The following UNC13C variants were observed in gnomAD, a reference collection of about 807,000 sequenced individuals.
UNC13C encodes unc-13 homolog C.
A neutral mutation model predicts 245.4 loss-of-function variants in UNC13C; 174 were observed. The observed-to-expected ratio is 0.71, with a 90% CI of 0.63 to 0.80. The LOEUF (loss-of-function observed/expected upper bound fraction) is 0.80. Ranked by LOEUF, UNC13C falls within the 30% of genes least tolerant of loss-of-function variation. The pLI is 0.00. For missense variants in UNC13C, 2,829 were observed against 2,602.9 expected (o/e 1.09, Z -1.89); for synonymous variants, 992 against 895.1 (o/e 1.11, Z -1.93).
At chr15:54,488,255 A>C (rs1893527129) in intron 19 of UNC13C, among the ~76,000 whole-genome samples, 1 of 152,286 alleles carries the variant, frequency 6.6e-6, no homozygotes, top group East Asian at 1.9e-4. Flanking sequence ...CCTGGTGATA[A>C]AATTTTGTGT....
At chr15:54,031,245 G>T (rs796991298) in intron 2 of UNC13C, among the ~76,000 whole-genome samples, 29 of 152,254 alleles carry the variant, frequency 1.9e-4, no homozygotes, top group African/African-American at 6.0e-4. Context: ...AAATTCAGAA[G>T]GGTGCCGTTT....
rs1302222223 is a variant in UNC13C, at chr15:54,627,582, A to AATT, written c.*470_*472dup. ...GCAGTCACTTCTAGAAAGCATTTGT[A>AATT]ATTTTATAGTCGCAGATATTGTGAT... On this transcript the variant is annotated 3_prime_UTR_variant, in exon 33 of 33. Coordinates refer to ENST00000260323, the MANE Select transcript of UNC13C (RefSeq NM_001080534.3). 6.5e-6 allele frequency: 1 copy of AATT among 153,100 alleles called. No individual in the cohort carries two copies. The highest frequency in any genetic ancestry group is 6.5e-5 in the Admixed American group (1 of 15,344). 9.5% of individuals were successfully genotyped at this position (153,100 alleles called of 1,614,324 possible).
intron 10 of UNC13C, among the ~76,000 whole-genome samples, chr15:54,279,649 T>C (rs912151714): frequency 6.6e-6 from 1 of 152,194 alleles, no homozygotes; most frequent in East Asian, 1.9e-4. Context: ...GCCAGGTGTC[T>C]ACAGAAATGA....
At chr15:53,862,030 A>G in the UNC13C span, among the ~76,000 whole-genome samples, 1 of 152,120 alleles carries the variant, frequency 6.6e-6, no homozygotes, top group Non-Finnish European at 1.5e-5. Context: ...GGCTGCTATA[A>G]CAAAATACCA....
intron 30 of UNC13C, among the ~76,000 whole-genome samples, chr15:54,618,731 T>C (rs1305958625): frequency 6.6e-6 from 1 of 152,160 alleles, no homozygotes; most frequent in Non-Finnish European, 1.5e-5. Flanking sequence ...TGTGACTGAA[T>C]TAAGCAGCTT....
chr15:54,501,868 G>T (rs1031308045), intron 22 of UNC13C, among the ~76,000 whole-genome samples: 1 of 152,166 alleles, frequency 6.6e-6, no homozygotes, highest in Non-Finnish European at 1.5e-5. Flanking sequence ...CATGGGAAGG[G>T]CAGGGAGAAA....
At chr15:54,258,588 C>T (rs916446845) in intron 8 of UNC13C, among the ~76,000 whole-genome samples, 7 of 151,974 alleles carry the variant, frequency 4.6e-5, no homozygotes, top group Non-Finnish European at 8.8e-5. Flanking sequence ...AGGCTGGTTA[C>T]GAACTCCTGA....
the UNC13C span, among the ~76,000 whole-genome samples, chr15:53,943,130 A>T: frequency 1.3e-5 from 2 of 152,222 alleles, no homozygotes; most frequent in Admixed American, 1.3e-4. Context: ...TCCATTCTCC[A>T]TTCCAACCTC....
the UNC13C span, among the ~76,000 whole-genome samples, chr15:53,871,393 C>T: frequency 1.3e-5 from 2 of 152,188 alleles, no homozygotes; most frequent in Non-Finnish European, 2.9e-5. Flanking sequence ...CAGCTTACAT[C>T]TTGATTCTGG....
At chr15:53,968,958 T>C in the UNC13C span, among the ~76,000 whole-genome samples, 1 of 152,180 alleles carries the variant, frequency 6.6e-6, no homozygotes, top group Non-Finnish European at 1.5e-5. Context: ...CCACAATCCC[T>C]ATCTTTTTGA....
chr15:54,293,507 C>T (rs1185090843), intron 10 of UNC13C, among the ~76,000 whole-genome samples: 1 of 151,852 alleles, frequency 6.6e-6, no homozygotes, highest in African/African-American at 2.4e-5. Flanking sequence ...TTCTCAACAC[C>T]CATTGCAATA....
chr15:53,943,712 T>G, the UNC13C span, among the ~76,000 whole-genome samples: 1 of 152,146 alleles, frequency 6.6e-6, no homozygotes, highest in Non-Finnish European at 1.5e-5. Flanking sequence ...TTTGAGTAAA[T>G]TTTTGTATAA....
chr15:54,452,032 G>A (rs908828354), intron 19 of UNC13C, among the ~76,000 whole-genome samples: 2 of 152,226 alleles, frequency 1.3e-5, no homozygotes, highest in African/African-American at 4.8e-5. Flanking sequence ...ACCATACACA[G>A]CCAAATCAGT....
rs1316536903 is a variant in UNC13C at position 54,533,023 on chromosome 15, G to A, written c.5653G>A (p.Ala1885Thr). ...TSNKNSAAMD[A>T]EIVLRSLMDF... ...TAATAAGAACAGTGCAGCAATGGAT[G>A]CAGAGATTGTGTTAAGATCTCTTAT... is the stretch of plus-strand genomic sequence containing the variant. The change falls in exon 26 of 33, where the codon GCA (alanine) becomes ACA (threonine). Residue 1885 changes from alanine to threonine, a missense_variant. Transcript: ENST00000260323. The A allele has an allele frequency of 1.3e-6, 2 of 1,599,366 alleles. No individual in the cohort carries two copies. The highest frequency in any genetic ancestry group is 1.3e-5 in the African/African-American group (1 of 74,684).
chr15:54,217,458 T>C (rs890715084), intron 4 of UNC13C, among the ~76,000 whole-genome samples: 1 of 151,934 alleles, frequency 6.6e-6, no homozygotes, highest in African/African-American at 2.4e-5. Context: ...CCTTCTATTC[T>C]TTTAACTCTC....
At chr15:54,492,449 G>A (rs1330751849) in intron 19 of UNC13C, among the ~76,000 whole-genome samples, 6 of 151,928 alleles carry the variant, frequency 3.9e-5, no homozygotes, top group Admixed American at 3.9e-4. Flanking sequence ...ACATTAAATG[G>A]CCATCTAGTT....
chr15:53,931,782 G>C, the UNC13C span, among the ~76,000 whole-genome samples: 1 of 152,130 alleles, frequency 6.6e-6, no homozygotes, highest in Non-Finnish European at 1.5e-5. Flanking sequence ...TCTTTCACTA[G>C]CAGGAAGTAT....
At chr15:54,623,683 CA>C in intron 31 of UNC13C, 111 bp from the exon 32 acceptor site, 1 of 904,132 alleles carries the variant, frequency 1.1e-6, no homozygotes, top group Non-Finnish European at 1.7e-6. Context: ...AGTGTCTTGT[CA>C]GTGGAGTTAG....
At chr15:54,280,689 TAAAC>T (rs1369339337) in intron 10 of UNC13C, among the ~76,000 whole-genome samples, 3 of 87,920 alleles carry the variant, frequency 3.4e-5, no homozygotes, top group African/African-American at 2.3e-4. Flanking sequence ...TATACATATA[TAAAC>T]ATATGTATAC....
Sources: allele counts gnomAD v4.1 joint callset (sites outside exome capture counted in the v4.1 genomes callset), GRCh38; gene constraint gnomAD v4.1.1; transcripts MANE v1.5; gene names NCBI Gene and HGNC (gene_info 2026-07-23, HGNC 2026-07-21).